Variants in ZNF132 observed in about 807,000 individuals in gnomAD.
The protein encoded by ZNF132 is zinc finger protein 132 (clone pHZ-12).
A neutral mutation model predicts 9.3 loss-of-function variants in ZNF132; 6 were observed. The ratio of observed to expected loss-of-function variants is 0.65; its 90% CI spans 0.35 to 1.28. The LOEUF (loss-of-function observed/expected upper bound fraction) is 1.28, where lower values mean the gene tolerates loss of function less well. Among genes scored for constraint, ZNF132 ranks in the 50% most tolerant of loss-of-function variants. The pLI is 0.03. For synonymous variants in ZNF132, 296 were observed against 292.0 expected (o/e 1.01, Z -0.14); for missense variants, 877 against 843.2 (o/e 1.04, Z -0.50).
intron 2 of ZNF132, chr19:58,435,513 A>C: frequency 3.7e-6 from 1 of 271,504 alleles, no homozygotes; most frequent in Non-Finnish European, 7.0e-6. Context: ...TATGAAAAGA[A>C]GTTCAGCATC....
intron 1 of ZNF132, chr19:58,437,586 A>T: frequency 1.5e-6 from 1 of 674,326 alleles, no homozygotes. Flanking sequence ...AGCCTCTTGT[A>T]CCAGGGCCAT....
Position 58,433,176 on chromosome 19 carries a change from C to T in ZNF132, c.*147G>A. 1.2e-6 allele frequency: 1 copy of T among 833,806 alleles called. No homozygotes were observed. Among genetic ancestry groups the T allele is most frequent in the Non-Finnish European group, 1.8e-6 (1 of 544,798 alleles). The allele number at this position is 833,806 out of a possible 1,614,324, so 51.7% of individuals were successfully genotyped here. On this transcript the variant is annotated 3_prime_UTR_variant, in exon 3 of 3. Transcript: ENST00000254166. The stretch of plus-strand genomic sequence containing the variant: ...GGGTGAGATGGCCCTGCAAAGGTTC[C>T]TGGGCTGGTCAGAAACAGAGTAGCT...
intron 1 of ZNF132, 64 bp downstream of exon 1, chr19:58,439,695 T>G: frequency 6.8e-7 from 1 of 1,465,462 alleles, no homozygotes. Context: ...CCCCTCTATC[T>G]GGGCTTCAGG....
Position 58,433,775 on chromosome 19 carries a change from T to G in ZNF132, c.1669A>C (p.Thr557Pro). 1 of 1,613,888 alleles carries G rather than the reference T, an allele frequency of 6.2e-7. No individual in the cohort carries two copies. Among genetic ancestry groups the G allele is most frequent in the Non-Finnish European group, 8.5e-7 (1 of 1,179,968 alleles). ...TGAACTCTCCAGTGTTCAATGAGAGTGGAGCTGTGAGCAAAGGCTTTCCCA... is the reference window on the plus strand; with the variant it reads ...TGAACTCTCCAGTGTTCAATGAGAGGGGAGCTGTGAGCAAAGGCTTTCCCA... ...ECGKAFAHSS[T>P]LIEHWRVHTK... Residue 557 changes from threonine (T) to proline (P), a missense_variant, in exon 3 of 3, where the codon ACT (threonine) becomes CCT (proline). Thr to Pro is a conservative substitution (Grantham distance 38, BLOSUM62 -1). Coordinates refer to ENST00000254166, the MANE Select transcript of ZNF132 (RefSeq NM_003433.4).
chr19:58,439,543 TC>T (rs951364908), intron 1 of ZNF132, among the ~76,000 whole-genome samples: 17 of 152,198 alleles, frequency 1.1e-4, no homozygotes, highest in African/African-American at 4.1e-4. Context: ...CAGATCTCAT[TC>T]CACAGGATTC....
At chr19:58,438,833 C>T (rs982111437) in intron 1 of ZNF132, among the ~76,000 whole-genome samples, 16 of 151,358 alleles carry the variant, frequency 1.1e-4, no homozygotes, top group East Asian at 1.9e-4. Context: ...CGCAGTGGCA[C>T]GATCTCAGCT....
chr19:58,434,753 T>G lies in ZNF132; in HGVS notation c.691A>C (p.Thr231Pro), dbSNP rs1330203735. 3 of 1,614,078 alleles carry G rather than the reference T, an allele frequency of 1.9e-6. No individual in the cohort carries two copies. The East Asian group carries it at 6.7e-5, about 36-fold the overall frequency. Reference protein sequence around the residue: ...SNLGQLPEVCTTQKLFECSNC... With the variant: ...SNLGQLPEVCPTQKLFECSNC... ...CTGCACTCGAAGAGTTTCTGTGTGG[T>G]ACAGACTTCTGGAAGCTGCCCAAGA... Residue 231 changes from threonine to proline, a missense_variant, in exon 3 of 3, where the codon ACC becomes CCC. Coordinates refer to ENST00000254166, the MANE Select transcript of ZNF132 (RefSeq NM_003433.4).
chr19:58,437,293 C>T, intron 1 of ZNF132, 78 bp from the exon 2 acceptor site: 3 of 1,441,082 alleles, frequency 2.1e-6, no homozygotes, highest in Non-Finnish European at 2.8e-6. Flanking sequence ...GATACATCTA[C>T]CACTAATATC....
Position 58,433,833 on chromosome 19 carries a change from G to A in ZNF132, c.1611C>T (p.His537=), listed in dbSNP as rs1304565671. Residue 537 remains histidine (H), a synonymous_variant, in exon 3 of 3, where the codon CAC becomes CAT. Coordinates refer to ENST00000254166, the MANE Select transcript of ZNF132 (RefSeq NM_003433.4). ...SSSLIQHWRI[H]TGEKPYECSE... Reference sequence around the variant, plus strand: ...TACACTCGTAAGGCTTTTCTCCAGTGTGAATTCTCCAGTGCTGAATCAGGC... The same window carrying A: ...TACACTCGTAAGGCTTTTCTCCAGTATGAATTCTCCAGTGCTGAATCAGGC... 1.9e-6 allele frequency: 3 copies of A among 1,614,240 alleles called. No homozygotes were observed. The highest frequency in any genetic ancestry group is 1.3e-5 in the African/African-American group (1 of 75,058).
Position 58,432,947 on chromosome 19 carries a change from T to C in ZNF132, c.*376A>G, listed in dbSNP as rs1031053901. ...CAGACTTGACCACATCCACAAGGAA[T>C]GTGCATCTTCCTGAGCTCAAATTAG... On this transcript the variant is annotated 3_prime_UTR_variant, in exon 3 of 3. Transcript: ENST00000254166. 2.4e-5 allele frequency: 4 copies of C among 164,888 alleles called. No homozygotes were observed. Among genetic ancestry groups the C allele is most frequent in the Non-Finnish European group, 5.1e-5 (4 of 78,258 alleles). The allele number at this position is 164,888 out of a possible 1,614,324, so 10.2% of individuals were successfully genotyped here.
Position 58,433,249 on chromosome 19 carries a change from T to G in ZNF132, c.*74A>C. The G allele has an allele frequency of 6.8e-7, 1 of 1,472,218 alleles. No homozygotes were observed. Among genetic ancestry groups the G allele is most frequent in the Non-Finnish European group, 9.2e-7 (1 of 1,086,998 alleles). 91.2% of individuals were successfully genotyped at this position (1,472,218 alleles called of 1,614,324 possible). The stretch of plus-strand genomic sequence containing the variant: ...CAGTACATGTAGGTAATTTTTCTGG[T>G]ATGGGGATTCTGCTGCATGAAGTTT... On this transcript the variant is annotated 3_prime_UTR_variant, in exon 3 of 3. Coordinates refer to ENST00000254166, the MANE Select transcript of ZNF132 (RefSeq NM_003433.4).
At position 58,434,624 on chromosome 19, in the gene ZNF132, C is replaced by T; in HGVS notation, c.820G>A (p.Glu274Lys). Residue 274 changes from glutamate to lysine, a missense_variant, in exon 3 of 3, where the codon GAG becomes AAG. Glu to Lys is a moderately conservative substitution (Grantham distance 56). Transcript: ENST00000254166. Reference protein sequence around the residue: ...FTCPTGGNFLEEKSILGNKKF... With the variant: ...FTCPTGGNFLKEKSILGNKKF... ...TTATTACCAAGGATTGATTTCTCCT[C>T]TAAGAAATTTCCACCTGTTGGGCAT... is the stretch of plus-strand genomic sequence containing the variant. 1 of 1,614,222 alleles carries T rather than the reference C, an allele frequency of 6.2e-7. No individual in the cohort carries two copies. Among genetic ancestry groups the T allele is most frequent in the Non-Finnish European group, 8.5e-7 (1 of 1,180,038 alleles).
intron 1 of ZNF132, among the ~76,000 whole-genome samples, chr19:58,439,538 C>G (rs1217757116): frequency 6.6e-6 from 1 of 152,252 alleles, no homozygotes; most frequent in Non-Finnish European, 1.5e-5. Context: ...CCTTCCAGAT[C>G]TCATTCCACA....
Position 58,434,145 on chromosome 19 carries a change from G to A in ZNF132, c.1299C>T (p.Cys433=), listed in dbSNP as rs1291030775. The change falls in exon 3 of 3, where the codon TGC becomes TGT. Residue 433 remains cysteine (C), a synonymous_variant. Coordinates refer to ENST00000254166, the MANE Select transcript of ZNF132 (RefSeq NM_003433.4). ...TGTTAAAAGCTCTTCCACATTCACT[G>A]CATTCATACGGTCTTTCTCCAGTGT... ...RVHTGERPYE[C]SECGRAFNNN... is the part of the protein sequence containing the mutation. The A allele has an allele frequency of 6.2e-7, 1 of 1,613,902 alleles. No individual in the cohort carries two copies.
intron 2 of ZNF132, 164 bp from the exon 3 acceptor site, chr19:58,435,375 C>T (rs780110943): frequency 2.6e-6 from 2 of 771,776 alleles, no homozygotes; most frequent in Admixed American, 3.0e-5. Flanking sequence ...TTACTATTGG[C>T]AGGATAGGGA....
At chr19:58,439,656 C>A in intron 1 of ZNF132, 103 bp downstream of exon 1, 1 of 1,283,932 alleles carries the variant, frequency 7.8e-7, no homozygotes, top group Non-Finnish European at 1.0e-6. Context: ...GAGGACAGGA[C>A]ACGATCAAGA....
chr19:58,435,288 G>A, intron 2 of ZNF132, 77 bp from the exon 3 acceptor site: 3 of 1,504,168 alleles, frequency 2.0e-6, no homozygotes, highest in Non-Finnish European at 2.7e-6. Flanking sequence ...ATGTTACCCA[G>A]GAATTCACAC....
At position 58,433,657 on chromosome 19, in the gene ZNF132, T is replaced by G. The variant is rs755735297; in HGVS notation, c.1787A>C (p.Glu596Ala). The G allele has an allele frequency of 6.8e-6, 11 of 1,614,066 alleles. No homozygotes were observed. Among genetic ancestry groups the G allele is most frequent in the Non-Finnish European group, 9.3e-6 (11 of 1,180,038 alleles). ...ACATTCACTGCATTTATAAGGCTTT[T>G]CTCCAGTATGAACTTTCTGATGCTT... The part of the protein sequence containing the change: ...LIKHQKVHTG[E>A]KPYKCSECGK... Residue 596 changes from glutamate (E) to alanine (A), a missense_variant, in exon 3 of 3, where the codon GAA becomes GCA. Glu to Ala is a moderately radical substitution (Grantham distance 107). Coordinates refer to ENST00000254166, the MANE Select transcript of ZNF132 (RefSeq NM_003433.4).
At chr19:58,435,327 A>G in intron 2 of ZNF132, 116 bp from the exon 3 acceptor site, 1 of 1,187,028 alleles carries the variant, frequency 8.4e-7, no homozygotes. Flanking sequence ...GATTGCTGAC[A>G]GGCCAACAGG....
Sources: allele counts gnomAD v4.1 joint callset (sites outside exome capture counted in the v4.1 genomes callset), GRCh38; gene constraint gnomAD v4.1.1; transcripts MANE v1.5; gene names NCBI Gene and HGNC (gene_info 2026-07-23, HGNC 2026-07-21).